Variants in ABI3BP observed in about 807,000 individuals in gnomAD.
The protein encoded by ABI3BP is target of Nesh-SH3.
In ABI3BP, 216 loss-of-function variants were observed where a neutral mutation model predicts 268.6. The ratio of observed to expected loss-of-function variants is 0.80; its 90% CI spans 0.72 to 0.90. The LOEUF (loss-of-function observed/expected upper bound fraction) is 0.90, where lower values mean the gene tolerates loss of function less well. Among genes scored for constraint, ABI3BP ranks in the 40% least tolerant of loss-of-function variants. The pLI is 0.00. For synonymous variants in ABI3BP, 730 were observed against 730.0 expected, an observed-to-expected ratio of 1.00 and a Z score of 0.00; for missense variants, 2,090 against 2,182.4, an observed-to-expected ratio of 0.96 and a Z score of 0.84.
chr3:100,837,424 C>G (rs1226498766), intron 26 of ABI3BP: 1 of 365,338 alleles, frequency 2.7e-6, no homozygotes, highest in Non-Finnish European at 4.8e-6. Context: ...TAAATATCTT[C>G]TTATGTGGTA....
At chr3:100,780,607 A>G (rs1055048178) in intron 57 of ABI3BP, among the ~76,000 whole-genome samples, 1 of 151,990 alleles carries the variant, frequency 6.6e-6, no homozygotes, top group Non-Finnish European at 1.5e-5. Context: ...ATGCCCATTA[A>G]AAAAAACCCA....
intron 32 of ABI3BP, among the ~76,000 whole-genome samples, chr3:100,829,944 TG>T (rs1401023550): frequency 6.6e-6 from 1 of 151,240 alleles, no homozygotes; most frequent in East Asian, 1.9e-4. Context: ...ATGGCGGTGA[TG>T]GGGGTAAGTA....
At chr3:100,825,007 T>G in intron 35 of ABI3BP, 66 bp from the exon 36 acceptor site, 1 of 1,366,322 alleles carries the variant, frequency 7.3e-7, no homozygotes, top group Non-Finnish European at 9.9e-7. Flanking sequence ...GAAAGGTTTT[T>G]CCAAAGCTTG....
intron 1 of ABI3BP, among the ~76,000 whole-genome samples, chr3:100,991,755 T>C (rs887124051): frequency 2.6e-5 from 4 of 152,186 alleles, no homozygotes; most frequent in African/African-American, 9.6e-5. Flanking sequence ...AAAAGTTTTG[T>C]GGCCATTTTC....
chr3:100,840,269 G>A (rs2098673001), intron 22 of ABI3BP, 105 bp from the exon 23 acceptor site: 17 of 864,194 alleles, frequency 2.0e-5, no homozygotes, highest in Middle Eastern at 2.4e-4. Flanking sequence ...TTGATTTACT[G>A]TGGACATGTT....
intron 16 of ABI3BP, 67 bp from the exon 17 acceptor site, chr3:100,850,186 A>G: frequency 7.7e-6 from 11 of 1,423,308 alleles, no homozygotes; most frequent in Non-Finnish European, 7.8e-6. Flanking sequence ...AAGAATTTTA[A>G]CATGCTTTTA....
rs72928392 is a variant in ABI3BP, at chr3:100,918,393, T to C, written c.259+7909A>G. Among the ~76,000 whole-genome samples the C allele has an allele frequency of 5.2e-3, 784 of 151,654 alleles. 10 individuals carry two copies. The highest frequency in any genetic ancestry group is 0.018 in the African/African-American group (745 of 41,336). ...TGTGTTTCTGAAATCAATGAAAACATTGAGGGTAAAAAGAAATCTAAGGTT... is the reference window on the plus strand; with the variant it reads ...TGTGTTTCTGAAATCAATGAAAACACTGAGGGTAAAAAGAAATCTAAGGTT... On this transcript the variant is annotated intron_variant, in intron 2 of 67. Transcript: ENST00000471714.
chr3:100,842,841 A>C (rs1052475643), intron 20 of ABI3BP, among the ~76,000 whole-genome samples: 3 of 152,208 alleles, frequency 2.0e-5, no homozygotes, highest in Admixed American at 6.5e-5. Context: ...GAAAATTAAA[A>C]AGGAATTGTT....
At chr3:100,877,120 C>T (rs1417380868) in intron 6 of ABI3BP, among the ~76,000 whole-genome samples, 1 of 152,190 alleles carries the variant, frequency 6.6e-6, no homozygotes, top group East Asian at 1.9e-4. Flanking sequence ...GTTCACTTTA[C>T]TTAGAAACTG....
intron 1 of ABI3BP, among the ~76,000 whole-genome samples, chr3:100,990,545 C>A (rs906107863): frequency 1.3e-5 from 2 of 148,850 alleles, no homozygotes; most frequent in African/African-American, 4.9e-5. Context: ...CAACTGACTT[C>A]TTATAAATAA....
At position 100,820,802 on chromosome 3, in the gene ABI3BP, G is replaced by A. The variant is rs568564638; in HGVS notation, c.2947+252C>T. Among the ~76,000 whole-genome samples, 5 of 152,204 alleles carry A rather than the reference G, an allele frequency of 3.3e-5. No homozygotes were observed. In the East Asian group the frequency reaches 7.7e-4, roughly 24 times the overall value. On this transcript the variant is annotated intron_variant, in intron 39 of 67. Transcript: ENST00000471714. The stretch of plus-strand genomic sequence containing the variant: ...AAAAAATTGGTTAAAAAACACACTG[G>A]ATGACAAAATAATTTCAGATGGTTA...
intron 1 of ABI3BP, among the ~76,000 whole-genome samples, chr3:100,965,618 G>A (rs1016436501): frequency 4.6e-5 from 7 of 151,980 alleles, no homozygotes; most frequent in Admixed American, 1.3e-4. Context: ...AGAAACTTCC[G>A]TGTACCAGGC....
In ABI3BP at chr3:100,891,915, A is replaced by G. The variant is rs144798017; in HGVS notation, c.462-5592T>C. ...TATGACTGAAGAAGGCAGAATGGAA[A>G]GCACACAGCATAGAGCTGGGGCTGG... On this transcript the variant is annotated intron_variant, in intron 4 of 67. Transcript: ENST00000471714. Among the ~76,000 whole-genome samples the G allele has an allele frequency of 3.2e-4, 48 of 152,356 alleles. 1 individual carries two copies. In the East Asian group the frequency reaches 4.2e-3, roughly 13 times the overall value.
At chr3:100,933,029 T>C (rs934812146) in intron 1 of ABI3BP, among the ~76,000 whole-genome samples, 9 of 152,006 alleles carry the variant, frequency 5.9e-5, no homozygotes, top group Admixed American at 5.9e-4. Context: ...TAAGGTTATC[T>C]TACATTCTCC....
intron 1 of ABI3BP, among the ~76,000 whole-genome samples, chr3:100,990,197 A>T (rs2092695284): frequency 1.3e-5 from 2 of 152,316 alleles, no homozygotes; most frequent in East Asian, 3.9e-4. Flanking sequence ...ATACAAGATC[A>T]TGTGTTATTC....
intron 1 of ABI3BP, among the ~76,000 whole-genome samples, chr3:100,932,922 GC>G (rs2064194438): frequency 6.6e-6 from 1 of 151,802 alleles, no homozygotes; most frequent in Admixed American, 6.6e-5. Flanking sequence ...AGTGAGACAA[GC>G]TAAACTATCA....
At chr3:100,784,853 G>A (rs138307478) in intron 57 of ABI3BP, among the ~76,000 whole-genome samples, 107 of 152,238 alleles carry the variant, frequency 7.0e-4, no homozygotes, top group African/African-American at 2.4e-3. Context: ...GGCATACAGA[G>A]TGATATACCG....
At chr3:100,919,750 G>C (rs539363134) in intron 2 of ABI3BP, among the ~76,000 whole-genome samples, 2 of 152,128 alleles carry the variant, frequency 1.3e-5, no homozygotes, top group East Asian at 1.9e-4. Context: ...CAAAATTCTC[G>C]CTATCTTCTT....
At chr3:100,779,210 C>T (rs1249076759) in intron 58 of ABI3BP, among the ~76,000 whole-genome samples, 4 of 152,318 alleles carry the variant, frequency 2.6e-5, no homozygotes, top group Middle Eastern at 3.4e-3. Context: ...TGAAACAAGT[C>T]TGTATCTGTA....
Sources: allele counts gnomAD v4.1 joint callset (sites outside exome capture counted in the v4.1 genomes callset), GRCh38; gene constraint gnomAD v4.1.1; transcripts MANE v1.5; gene names NCBI Gene and HGNC (gene_info 2026-07-23, HGNC 2026-07-21).